The following SSH1 variants were observed in gnomAD, a reference collection of about 807,000 sequenced individuals.
SSH1 encodes slingshot protein phosphatase 1.
Under a neutral mutation model 79.7 loss-of-function variants are expected in SSH1, and 43 were observed. That is an observed-to-expected ratio of 0.54 (90% CI 0.42 to 0.70). The LOEUF (loss-of-function observed/expected upper bound fraction) is 0.70. SSH1 is among the 30% of genes least tolerant of loss of function. The probability of loss-of-function intolerance (pLI) is 0.00; values close to 1 mark genes in which losing one functional copy is unlikely to be tolerated. For missense variants in SSH1, 1,206 were observed against 1,358.8 expected (o/e 0.89, Z 1.77); for synonymous variants, 599 against 538.3 (o/e 1.11, Z -1.56).
intron 2 of SSH1, among the ~76,000 whole-genome samples, chr12:108,851,372 G>A (rs1183099502): frequency 6.6e-6 from 1 of 152,192 alleles, no homozygotes; most frequent in African/African-American, 2.4e-5. Flanking sequence ...CCTGCTGTCG[G>A]TAATGAATGG....
chr12:108,792,941 A>AT, intron 13 of SSH1, 112 bp from the exon 14 acceptor site: 1 of 1,305,438 alleles, frequency 7.7e-7, no homozygotes, highest in Non-Finnish European at 1.1e-6. Flanking sequence ...GGCGCCAGGG[A>AT]CGATCCATGG....
chr12:108,842,271 A>G (rs902417777), intron 2 of SSH1, among the ~76,000 whole-genome samples: 3 of 152,242 alleles, frequency 2.0e-5, no homozygotes, highest in Non-Finnish European at 4.4e-5. Flanking sequence ...CCAATGTTTA[A>G]ATATGCCCCA....
chr12:108,833,512 G>A (rs889150992), intron 2 of SSH1, among the ~76,000 whole-genome samples: 5 of 152,334 alleles, frequency 3.3e-5, no homozygotes, highest in Non-Finnish European at 7.4e-5. Context: ...CCATACCACA[G>A]TCATTTGTCA....
chr12:108,818,188 A>T, intron 4 of SSH1, 61 bp downstream of exon 4: 3,140 of 1,012,352 alleles, frequency 3.1e-3, no homozygotes, highest in Non-Finnish European at 4.5e-3. Flanking sequence ...ACAGAGCAAG[A>T]CCCTCATCTC....
intron 2 of SSH1, among the ~76,000 whole-genome samples, chr12:108,826,661 G>A (rs1173877416): frequency 6.6e-6 from 1 of 152,188 alleles, no homozygotes; most frequent in Admixed American, 6.5e-5. Context: ...TGGGCCCAGA[G>A]CCTCATGCGC....
chr12:108,816,823 A>ACT (rs34958057), intron 5 of SSH1, among the ~76,000 whole-genome samples: 145,859 of 152,284 alleles, frequency 0.96, 69,898 homozygotes, highest in East Asian at 1. Context: ...CTCTCAATTG[A>ACT]CTGAGTTCTG....
intron 2 of SSH1, among the ~76,000 whole-genome samples, chr12:108,825,597 T>C (rs2038281193): frequency 6.6e-6 from 1 of 152,214 alleles, no homozygotes; most frequent in African/African-American, 2.4e-5. Context: ...GTTTTCGATA[T>C]CTTGTGACAC....
intron 2 of SSH1, among the ~76,000 whole-genome samples, chr12:108,838,125 T>C (rs570414429): frequency 6.6e-6 from 1 of 152,326 alleles, no homozygotes; most frequent in Non-Finnish European, 1.5e-5. Flanking sequence ...CTTAATTCGA[T>C]TTTGGTAAAA....
intron 5 of SSH1, among the ~76,000 whole-genome samples, chr12:108,815,465 C>T (rs576349023): frequency 4.0e-4 from 61 of 152,336 alleles, no homozygotes; most frequent in African/African-American, 1.4e-3. Flanking sequence ...TTGGAACAGG[C>T]CACACTTGCG....
chr12:108,780,364 C>A lies in SSH1; in HGVS notation c.*7624G>T, dbSNP rs61934141. On this transcript the variant is annotated 3_prime_UTR_variant, in exon 15 of 15. Coordinates refer to ENST00000326495, the MANE Select transcript of SSH1 (RefSeq NM_018984.4). ...TCTGAGGAGGAAATCAGGGCAAAAG[C>A]AGCCCATTACAGGAATATTGTCCTA... 2,387 of 152,336 alleles carry A rather than the reference C, an allele frequency of 0.016. 30 individuals carry two copies. Among genetic ancestry groups the A allele is most frequent in the Middle Eastern group, 0.024 (7 of 294 alleles). The allele number at this position is 152,336 out of a possible 1,614,324, so 9.4% of individuals were successfully genotyped here.
chr12:108,812,628 A>G (rs2037672507), intron 5 of SSH1, among the ~76,000 whole-genome samples: 1 of 152,226 alleles, frequency 6.6e-6, no homozygotes, highest in Non-Finnish European at 1.5e-5. Context: ...CTAAGCCCCT[A>G]GGCCGGCCTC....
chr12:108,798,966 G>A (rs761281111), intron 13 of SSH1, 34 bp downstream of exon 13: 11 of 1,605,676 alleles, frequency 6.9e-6, no homozygotes, highest in Admixed American at 5.0e-5. Context: ...CTCCAGCTCC[G>A]CCTGCCAACC....
intron 10 of SSH1, among the ~76,000 whole-genome samples, chr12:108,803,042 C>T (rs1050137331): frequency 1.4e-5 from 2 of 146,538 alleles, no homozygotes; most frequent in African/African-American, 2.6e-5. Context: ...CAGGCAAATA[C>T]CATGTAAGGA....
rs1416205632 is a variant in SSH1 at position 108,857,160 on chromosome 12, G to A, written c.69+268C>T. 2.0e-5 allele frequency among the ~76,000 whole-genome samples: 3 copies of A among 152,212 alleles called. No homozygotes were observed. The highest frequency in any genetic ancestry group is 4.4e-5 in the Non-Finnish European group (3 of 68,012). ...GTATCCTGCAGACACTCCCAGAGGG[G>A]TCGCACTGCATACACAGTCCCTGCA... On this transcript the variant is annotated intron_variant, in intron 1 of 14. Coordinates refer to ENST00000326495, the MANE Select transcript of SSH1 (RefSeq NM_018984.4). This position sits in a 1 kb window ranked among gnomAD's most constrained non-coding sequence, Gnocchi z 4.7.
intron 13 of SSH1, among the ~76,000 whole-genome samples, chr12:108,798,696 T>TAA (rs1487639161): frequency 2.0e-5 from 3 of 152,220 alleles, no homozygotes; most frequent in Non-Finnish European, 2.9e-5. Flanking sequence ...CGCACGTGCT[T>TAA]ACGCCACACA....
At position 108,805,056 on chromosome 12, in the gene SSH1, G is replaced by A. The variant is rs140151008; in HGVS notation, c.954C>T (p.Leu318=). The A allele has an allele frequency of 5.8e-3, 9,301 of 1,614,072 alleles. 58 individuals carry two copies. Among genetic ancestry groups the A allele is most frequent in the Middle Eastern group, 0.019 (116 of 6,062 alleles). The change falls in exon 10 of 15, where the codon CTC becomes CTT. Residue 318 remains leucine, a splice_region_variant and synonymous_variant. Transcript: ENST00000326495. ...ATACTGCCAGGGCCATGCCTCTTACGAGATAAAGATGATCGAAGATAAGGG... is the reference window on the plus strand; with the variant it reads ...ATACTGCCAGGGCCATGCCTCTTACAAGATAAAGATGATCGAAGATAAGGG... ...KPSLIFDHLY[L]GSEWNASNLE...
intron 13 of SSH1, among the ~76,000 whole-genome samples, chr12:108,794,441 G>A (rs1055137525): frequency 7.9e-5 from 12 of 152,202 alleles, no homozygotes; most frequent in African/African-American, 1.4e-4. Flanking sequence ...ATGGGGGATA[G>A]GTCAACCTCT....
Position 108,811,409 on chromosome 12 carries a change from A to G in SSH1, c.402-81T>C. On this transcript the variant is annotated intron_variant, in intron 5 of 14. Coordinates refer to ENST00000326495, the MANE Select transcript of SSH1 (RefSeq NM_018984.4). ...GCCTTTCCAGCTCACCACCTGGTCC[A>G]GGACGGGCTGTTGGACGTACGTGTG... 3.0e-6 allele frequency: 4 copies of G among 1,351,444 alleles called. No individual in the cohort carries two copies. In the South Asian group the frequency reaches 3.5e-5, roughly 12 times the overall value. The allele number at this position is 1,351,444 out of a possible 1,614,324, so 83.7% of individuals were successfully genotyped here.
intron 3 of SSH1, among the ~76,000 whole-genome samples, chr12:108,818,814 T>C (rs1045511610): frequency 6.6e-6 from 1 of 152,118 alleles, no homozygotes; most frequent in Non-Finnish European, 1.5e-5. Flanking sequence ...AGTGCAGTGG[T>C]ACGATCTCAG....
Sources: allele counts gnomAD v4.1 joint callset (sites outside exome capture counted in the v4.1 genomes callset), GRCh38; gene constraint gnomAD v4.1.1; non-coding constraint Gnocchi (gnomAD v3.1); transcripts MANE v1.5; gene names NCBI Gene and HGNC (gene_info 2026-07-23, HGNC 2026-07-21).